CEP112: variants seen among roughly 807,000 people sequenced by gnomAD.
CEP112 encodes centrosomal protein 112, also known as centrosomal protein of 112 kDa.
CEP112 carries 127 observed loss-of-function variants against 153.0 expected under a neutral mutation model. The observed-to-expected ratio is 0.83, with a 90% confidence interval of 0.72 to 0.96. The LOEUF (loss-of-function observed/expected upper bound fraction) is 0.96. Ranked by LOEUF, CEP112 falls within the 40% of genes least tolerant of loss-of-function variation. CEP112 has a pLI of 0.00. For missense variants in CEP112, 1,089 were observed against 1,101.2 expected, an observed-to-expected ratio of 0.99 and a Z score of 0.16; for synonymous variants, 358 against 374.4, an observed-to-expected ratio of 0.96 and a Z score of 0.51.
chr17:65,890,294 GCGGACCCAGTC>G (rs2143137753), intron 20 of CEP112, among the ~76,000 whole-genome samples: 1 of 152,328 alleles, frequency 6.6e-6, no homozygotes, highest in Admixed American at 6.5e-5. Flanking sequence ...CACTGGCCAA[GCGGACCCAGTC>G]CGAACTTCTC....
At chr17:66,018,308 T>A (rs929579954) in intron 16 of CEP112, among the ~76,000 whole-genome samples, 13 of 152,030 alleles carry the variant, frequency 8.6e-5, no homozygotes, top group Non-Finnish European at 1.3e-4. Context: ...CTGAATATAT[T>A]TTTTTTGCTC....
intron 8 of CEP112, among the ~76,000 whole-genome samples, chr17:66,091,715 A>G (rs2146248625): frequency 6.6e-6 from 1 of 152,284 alleles, no homozygotes; most frequent in Middle Eastern, 3.4e-3. Context: ...ATAGACTAGA[A>G]AAACAATAGA....
At chr17:65,721,009 C>CTTT (rs57507655) in intron 23 of CEP112, among the ~76,000 whole-genome samples, 13 of 125,748 alleles carry the variant, frequency 1.0e-4, no homozygotes, top group East Asian at 2.3e-4. Context: ...CTCTCTCTCT[C>CTTT]TTTTTTTTTT....
chr17:65,730,892 T>C (rs1167144987), intron 23 of CEP112, among the ~76,000 whole-genome samples: 1 of 150,736 alleles, frequency 6.6e-6, no homozygotes, highest in Non-Finnish European at 1.5e-5. Flanking sequence ...TGCTGTAAAA[T>C]CTCTTTTCTA....
At chr17:65,745,793 T>C (rs2051414495) in intron 22 of CEP112, among the ~76,000 whole-genome samples, 1 of 152,116 alleles carries the variant, frequency 6.6e-6, no homozygotes, top group Non-Finnish European at 1.5e-5. Flanking sequence ...CTTTAAAAAA[T>C]ACTAAGATTG....
At chr17:66,181,805 A>T (rs1226469389) in intron 2 of CEP112, among the ~76,000 whole-genome samples, 1 of 152,234 alleles carries the variant, frequency 6.6e-6, no homozygotes, top group African/African-American at 2.4e-5. Flanking sequence ...GATGCAATAT[A>T]AAAATATCAT....
At chr17:65,698,042 T>C (rs1018847983) in intron 23 of CEP112, among the ~76,000 whole-genome samples, 2 of 152,166 alleles carry the variant, frequency 1.3e-5, no homozygotes, top group Non-Finnish European at 2.9e-5. Flanking sequence ...TTTTCAGTTT[T>C]TTTTCACATT....
intron 6 of CEP112, among the ~76,000 whole-genome samples, chr17:66,124,394 G>C (rs997884342): frequency 6.6e-6 from 1 of 152,020 alleles, no homozygotes; most frequent in Non-Finnish European, 1.5e-5. Flanking sequence ...ATAATAGCAA[G>C]CGAAAATACA....
At chr17:65,951,001 AT>A (rs879754971) in intron 18 of CEP112, among the ~76,000 whole-genome samples, 2 of 152,074 alleles carry the variant, frequency 1.3e-5, no homozygotes, top group African/African-American at 4.8e-5. Flanking sequence ...CAATCACGTG[AT>A]TTTTTCCCTT....
At chr17:65,873,230 TAA>T (rs2058722816) in intron 20 of CEP112, 1 of 152,236 alleles carries the variant, frequency 6.6e-6, no homozygotes, top group African/African-American at 2.4e-5. Context: ...CCTGCCTGAC[TAA>T]ACCTTTTTGT....
rs76308792 is a variant in CEP112, at chr17:65,724,493, G to T, written c.2607+18575C>A. 1.6e-3 allele frequency among the ~76,000 whole-genome samples: 251 copies of T among 152,264 alleles called. 1 individual carries two copies. Among genetic ancestry groups the T allele is most frequent in the African/African-American group, 5.9e-3 (246 of 41,536 alleles). Reference sequence around the variant, plus strand: ...ATTGTTCCATGATTTATAAGGCACAGTTATGCAGAATCAGTTATGATAATA... The same window carrying T: ...ATTGTTCCATGATTTATAAGGCACATTTATGCAGAATCAGTTATGATAATA... On this transcript the variant is annotated intron_variant, in intron 23 of 26. Transcript: ENST00000535342.
chr17:66,188,286 AAC>A (rs59802008), intron 1 of CEP112, among the ~76,000 whole-genome samples: 8,546 of 109,328 alleles, frequency 0.078, 317 homozygotes, highest in African/African-American at 0.13. Flanking sequence ...CACACACACA[AAC>A]ACACACACAC....
intron 17 of CEP112, among the ~76,000 whole-genome samples, chr17:65,977,241 C>T (rs2063070934): frequency 6.6e-6 from 1 of 152,190 alleles, no homozygotes; most frequent in Non-Finnish European, 1.5e-5. Context: ...TTGGCATCAA[C>T]ACAACTACTC....
At chr17:65,639,260 A>G (rs1306638796) in intron 25 of CEP112, among the ~76,000 whole-genome samples, 1 of 152,240 alleles carries the variant, frequency 6.6e-6, no homozygotes. Context: ...CGTGGATATC[A>G]TCAAACCATA....
At chr17:66,140,999 G>A (rs1237138219) in intron 4 of CEP112, among the ~76,000 whole-genome samples, 1 of 151,960 alleles carries the variant, frequency 6.6e-6, no homozygotes, top group Non-Finnish European at 1.5e-5. Flanking sequence ...AGCATTGTGA[G>A]TACTACTTCT....
At chr17:65,748,295 G>A (rs947962249) in intron 22 of CEP112, among the ~76,000 whole-genome samples, 5 of 152,040 alleles carry the variant, frequency 3.3e-5, no homozygotes, top group Non-Finnish European at 5.9e-5. Flanking sequence ...TTGGTGTTGC[G>A]CTGTCCCTTG....
intron 21 of CEP112, among the ~76,000 whole-genome samples, chr17:65,821,914 C>T (rs1378930249): frequency 6.6e-6 from 1 of 151,614 alleles, no homozygotes; most frequent in Non-Finnish European, 1.5e-5. Flanking sequence ...GTATCACAAA[C>T]AATGCTCTAA....
chr17:65,650,892 G>A (rs534070308), intron 24 of CEP112, among the ~76,000 whole-genome samples: 11 of 151,348 alleles, frequency 7.3e-5, no homozygotes, highest in Admixed American at 2.0e-4. Flanking sequence ...TCTCTCTCTC[G>A]CTCTCTTTTT....
intron 21 of CEP112, among the ~76,000 whole-genome samples, chr17:65,807,518 GC>G (rs2055681122): frequency 6.6e-6 from 1 of 152,178 alleles, no homozygotes; most frequent in Non-Finnish European, 1.5e-5. Flanking sequence ...CTTTGTGGCA[GC>G]CCCTCCCACC....
Sources: allele counts gnomAD v4.1 joint callset (sites outside exome capture counted in the v4.1 genomes callset), GRCh38; gene constraint gnomAD v4.1.1; transcripts MANE v1.5; gene names NCBI Gene and HGNC (gene_info 2026-07-23, HGNC 2026-07-21).